Variants in NXPH1 observed in about 807,000 individuals in gnomAD.
NXPH1 encodes neurexophilin-1.
A neutral mutation model predicts 23.7 loss-of-function variants in NXPH1; 5 were observed. The observed-to-expected ratio is 0.21, with a 90% CI of 0.11 to 0.44. NXPH1 has a LOEUF of 0.44. Among genes scored for constraint, NXPH1 ranks in the 20% least tolerant of loss-of-function variants. The probability of loss-of-function intolerance (pLI) is 0.99; values close to 1 mark genes in which losing one functional copy is unlikely to be tolerated. For missense variants in NXPH1, 324 were observed against 321.6 expected, an observed-to-expected ratio of 1.01 and a Z score of -0.06; for synonymous variants, 144 against 122.2, an observed-to-expected ratio of 1.18 and a Z score of -1.18.
At chr7:8,663,338 T>A (rs1820709294) in intron 2 of NXPH1, among the ~76,000 whole-genome samples, 1 of 152,050 alleles carries the variant, frequency 6.6e-6, no homozygotes, top group Admixed American at 6.6e-5. Flanking sequence ...CACTTGACAT[T>A]TAACTATGGG....
rs201965574 is a variant in NXPH1 at position 8,462,517 on chromosome 7, C to T, written c.54+26750C>T. On this transcript the variant is annotated intron_variant, in intron 2 of 2. Transcript: ENST00000405863. Reference sequence around the variant, plus strand: ...GAAGGATACAGAGGTCAAATAGCTTCCCACAGTCACTCAGCTAATGATGAC... The same window carrying T: ...GAAGGATACAGAGGTCAAATAGCTTTCCACAGTCACTCAGCTAATGATGAC... Among the ~76,000 whole-genome samples, 4 of 152,270 alleles carry T rather than the reference C, an allele frequency of 2.6e-5. No individual in the cohort carries two copies. In the East Asian group the frequency reaches 7.7e-4, roughly 29 times the overall value.
intron 2 of NXPH1, among the ~76,000 whole-genome samples, chr7:8,614,330 G>A (rs1049090502): frequency 1.3e-5 from 2 of 151,846 alleles, no homozygotes; most frequent in African/African-American, 4.8e-5. Flanking sequence ...TTTTATGTGT[G>A]CTCTCTAAAT....
chr7:8,523,812 A>G (rs1014480766), intron 2 of NXPH1, among the ~76,000 whole-genome samples: 1 of 152,114 alleles, frequency 6.6e-6, no homozygotes, highest in African/African-American at 2.4e-5. Context: ...CTCACCCTTC[A>G]TACATTCTAT....
chr7:8,599,900 A>T (rs1020905561), intron 2 of NXPH1, among the ~76,000 whole-genome samples: 1 of 150,892 alleles, frequency 6.6e-6, no homozygotes, highest in Non-Finnish European at 1.5e-5. Context: ...TGTATCTTTC[A>T]GTCATATTAC....
intron 2 of NXPH1, among the ~76,000 whole-genome samples, chr7:8,684,978 G>A (rs1006044542): frequency 2.0e-5 from 3 of 152,064 alleles, no homozygotes; most frequent in Non-Finnish European, 4.4e-5. Flanking sequence ...AACTACATTA[G>A]GTGTGTCTGG....
intron 2 of NXPH1, among the ~76,000 whole-genome samples, chr7:8,498,708 A>G (rs1457379446): frequency 6.6e-6 from 1 of 152,076 alleles, no homozygotes; most frequent in Admixed American, 6.6e-5. Flanking sequence ...GCATGCTAGC[A>G]GTCAATGAAC....
At chr7:8,519,242 A>ACACCTTT in intron 2 of NXPH1, among the ~76,000 whole-genome samples, 1 of 152,206 alleles carries the variant, frequency 6.6e-6, no homozygotes, top group East Asian at 1.9e-4. Flanking sequence ...AATTATAAAA[A>ACACCTTT]AGGTATTACA....
intron 2 of NXPH1, among the ~76,000 whole-genome samples, chr7:8,721,982 T>C (rs1336299627): frequency 1.3e-5 from 2 of 152,186 alleles, no homozygotes; most frequent in East Asian, 3.9e-4. Flanking sequence ...TCAAGTTACC[T>C]TGGGTTTACT....
chr7:8,607,447 T>G (rs1819519761), intron 2 of NXPH1, among the ~76,000 whole-genome samples: 1 of 152,216 alleles, frequency 6.6e-6, no homozygotes, highest in African/African-American at 2.4e-5. Flanking sequence ...ACTAGACTAA[T>G]GAACTTCATT....
intron 2 of NXPH1, among the ~76,000 whole-genome samples, chr7:8,640,311 G>A (rs1387695226): frequency 6.6e-6 from 1 of 151,910 alleles, no homozygotes; most frequent in African/African-American, 2.4e-5. Flanking sequence ...ATTATATGGG[G>A]TGGAAATCAG....
intron 2 of NXPH1, among the ~76,000 whole-genome samples, chr7:8,459,321 A>G (rs573638074): frequency 6.6e-6 from 1 of 152,068 alleles, no homozygotes; most frequent in South Asian, 2.1e-4. Flanking sequence ...AAAGGCAAAC[A>G]CCCTTCACAA....
chr7:8,719,616 A>C (rs553544276), intron 2 of NXPH1, among the ~76,000 whole-genome samples: 2 of 152,304 alleles, frequency 1.3e-5, no homozygotes, highest in East Asian at 3.9e-4. Flanking sequence ...TGCCTAAATG[A>C]CTTGGAAAGT....
chr7:8,589,421 C>T (rs763467627), intron 2 of NXPH1, among the ~76,000 whole-genome samples: 15 of 152,038 alleles, frequency 9.9e-5, no homozygotes, highest in Non-Finnish European at 1.8e-4. Context: ...AGTAAGTATG[C>T]ACACCAGCAA....
intron 2 of NXPH1, among the ~76,000 whole-genome samples, chr7:8,479,430 C>T (rs969157730): frequency 1.3e-5 from 2 of 152,014 alleles, no homozygotes; most frequent in East Asian, 1.9e-4. Context: ...AGATGTAATT[C>T]GGAAAGGGCT....
intron 2 of NXPH1, among the ~76,000 whole-genome samples, chr7:8,532,376 T>A (rs1817960698): frequency 6.7e-6 from 1 of 150,058 alleles, no homozygotes; most frequent in African/African-American, 2.4e-5. Context: ...AAGGAAAGCA[T>A]TTGCTGCAGC....
intron 2 of NXPH1, among the ~76,000 whole-genome samples, chr7:8,563,687 T>C (rs1195396654): frequency 7.3e-5 from 11 of 151,700 alleles, no homozygotes; most frequent in Admixed American, 2.6e-4. Context: ...GGTTACCCAT[T>C]TGGAAATTCC....
At chr7:8,598,790 G>T (rs140273969) in intron 2 of NXPH1, among the ~76,000 whole-genome samples, 146 of 152,232 alleles carry the variant, frequency 9.6e-4, no homozygotes, top group African/African-American at 3.2e-3. Flanking sequence ...TCTTGAAATA[G>T]ATCATGTTTC....
chr7:8,701,392 T>A (rs940635345), intron 2 of NXPH1, among the ~76,000 whole-genome samples: 2 of 152,068 alleles, frequency 1.3e-5, no homozygotes, highest in Admixed American at 6.6e-5. Flanking sequence ...TCTAGTCTCA[T>A]CTCCTGTGGC....
At chr7:8,675,974 T>C (rs1309302126) in intron 2 of NXPH1, among the ~76,000 whole-genome samples, 8 of 152,204 alleles carry the variant, frequency 5.3e-5, no homozygotes, top group Admixed American at 5.2e-4. Flanking sequence ...TTTTCTATAC[T>C]GTTTGGCTGT....
Sources: allele counts gnomAD v4.1 joint callset (sites outside exome capture counted in the v4.1 genomes callset), GRCh38; gene constraint gnomAD v4.1.1; transcripts MANE v1.5; gene names NCBI Gene and HGNC (gene_info 2026-07-23, HGNC 2026-07-21).